Variants in CSMD1 observed in about 807,000 individuals in gnomAD.
CSMD1 encodes the protein CUB and sushi domain-containing protein 1.
In CSMD1, 213 loss-of-function variants were observed where a neutral mutation model predicts 417.5. That is an observed-to-expected ratio of 0.51 (90% CI 0.46 to 0.57). CSMD1 has a LOEUF of 0.57. CSMD1 is among the 20% of genes least tolerant of loss of function. The pLI, the probability that CSMD1 is intolerant of heterozygous loss-of-function variation, is 0.00. For missense variants in CSMD1, 6,923 were observed against 4,529.7 expected (o/e 1.53, Z -15.17); for synonymous variants, 2,862 against 1,736.8 (o/e 1.65, Z -16.11).
At chr8:3,846,202 A>C (rs1397931646) in intron 5 of CSMD1, among the ~76,000 whole-genome samples, 1 of 152,142 alleles carries the variant, frequency 6.6e-6, no homozygotes, top group African/African-American at 2.4e-5. Flanking sequence ...TATATAACAC[A>C]CTATACGTTT....
At chr8:4,909,100 C>T (rs954686528) in intron 1 of CSMD1, among the ~76,000 whole-genome samples, 35 of 152,124 alleles carry the variant, frequency 2.3e-4, no homozygotes, top group African/African-American at 7.7e-4. Context: ...ATGTTTAATG[C>T]TTGCTGTAGG....
chr8:4,870,131 A>G (rs1248880477), intron 1 of CSMD1, among the ~76,000 whole-genome samples: 1 of 152,148 alleles, frequency 6.6e-6, no homozygotes, highest in Non-Finnish European at 1.5e-5. Context: ...CAGTTAATCT[A>G]ATTACATATA....
intron 2 of CSMD1, among the ~76,000 whole-genome samples, chr8:4,443,292 T>C (rs1798588590): frequency 6.6e-6 from 1 of 152,172 alleles, no homozygotes; most frequent in South Asian, 2.1e-4. Context: ...AGTTTTGTAT[T>C]CGCTAGAAAA....
At chr8:3,875,486 G>C (rs1427083781) in intron 5 of CSMD1, among the ~76,000 whole-genome samples, 1 of 152,092 alleles carries the variant, frequency 6.6e-6, no homozygotes, top group East Asian at 1.9e-4. Flanking sequence ...GGTTCCGAGG[G>C]TCACTGGCAT....
intron 1 of CSMD1, among the ~76,000 whole-genome samples, chr8:4,981,603 G>C (rs1410024252): frequency 6.6e-6 from 1 of 152,122 alleles, no homozygotes; most frequent in Non-Finnish European, 1.5e-5. Context: ...ATACCTATTT[G>C]TACTTAATGG....
chr8:4,013,325 C>T (rs982416068), intron 4 of CSMD1, among the ~76,000 whole-genome samples: 6 of 148,246 alleles, frequency 4.0e-5, no homozygotes, highest in Non-Finnish European at 4.6e-5. Context: ...ACTCACCGTA[C>T]GCTGTTGTCT....
chr8:3,789,441 T>TG (rs1554437954), intron 5 of CSMD1, among the ~76,000 whole-genome samples: 17 of 54,702 alleles, frequency 3.1e-4, no homozygotes, highest in African/African-American at 1.2e-3. Flanking sequence ...TTTTTTTAAG[T>TG]GTTTTTTTTT....
At chr8:3,573,309 T>G (rs1800018423) in intron 10 of CSMD1, among the ~76,000 whole-genome samples, 2 of 152,198 alleles carry the variant, frequency 1.3e-5, no homozygotes, top group South Asian at 4.1e-4. Context: ...TTGCAAGTAC[T>G]GAAAAATAAT....
chr8:3,453,052 G>C (rs1180339376), intron 12 of CSMD1, among the ~76,000 whole-genome samples: 2 of 152,152 alleles, frequency 1.3e-5, no homozygotes, highest in African/African-American at 4.8e-5. Flanking sequence ...TTGGGAGAGT[G>C]TATGTGTCGA....
chr8:4,440,691 T>A (rs1343884358), intron 2 of CSMD1, among the ~76,000 whole-genome samples: 2 of 152,236 alleles, frequency 1.3e-5, no homozygotes, highest in Non-Finnish European at 2.9e-5. Context: ...ATCAATGTAT[T>A]ATTTTACAAA....
intron 3 of CSMD1, among the ~76,000 whole-genome samples, chr8:4,125,821 C>G (rs978173875): frequency 6.6e-6 from 1 of 152,154 alleles, no homozygotes; most frequent in African/African-American, 2.4e-5. Context: ...AAGAAGACCC[C>G]CATCTTACCT....
At chr8:4,222,884 CA>C (rs1393285455) in intron 3 of CSMD1, among the ~76,000 whole-genome samples, 3 of 151,762 alleles carry the variant, frequency 2.0e-5, no homozygotes, top group Admixed American at 1.3e-4. Flanking sequence ...GACATAACCA[CA>C]AAACTATGGG....
At chr8:4,281,464 C>T (rs763947928) in intron 3 of CSMD1, among the ~76,000 whole-genome samples, 56 of 152,216 alleles carry the variant, frequency 3.7e-4, no homozygotes, top group Admixed American at 2.0e-3. Flanking sequence ...TTGAGACTGG[C>T]ACACTCCAAC....
At chr8:3,986,538 G>C (rs536538723) in intron 5 of CSMD1, among the ~76,000 whole-genome samples, 62 of 152,178 alleles carry the variant, frequency 4.1e-4, no homozygotes, top group African/African-American at 1.3e-3. Context: ...CCCATGATCA[G>C]CAGACCCGTA....
At chr8:3,218,566 T>TAA (rs932288704) in intron 29 of CSMD1, among the ~76,000 whole-genome samples, 2 of 126,690 alleles carry the variant, frequency 1.6e-5, no homozygotes, top group Non-Finnish European at 1.6e-5. Context: ...ATCTCAAAAA[T>TAA]AAAAAAAAAA....
intron 26 of CSMD1, among the ~76,000 whole-genome samples, chr8:3,268,052 C>G (rs1365909508): frequency 6.6e-6 from 1 of 152,064 alleles, no homozygotes; most frequent in East Asian, 1.9e-4. Flanking sequence ...ACGGGCCAAT[C>G]TTTGCCTTCC....
chr8:3,694,559 G>A (rs780222204), intron 7 of CSMD1, among the ~76,000 whole-genome samples: 3 of 151,964 alleles, frequency 2.0e-5, no homozygotes, highest in Non-Finnish European at 2.9e-5. Flanking sequence ...CAGGTTCAGT[G>A]GAAGGCCAGG....
At chr8:4,966,364 A>T (rs1444472986) in intron 1 of CSMD1, among the ~76,000 whole-genome samples, 1 of 152,106 alleles carries the variant, frequency 6.6e-6, no homozygotes, top group Non-Finnish European at 1.5e-5. Flanking sequence ...GGGCAACAAG[A>T]GTGAAACTCC....
chr8:4,140,844 C>G (rs563833859), intron 3 of CSMD1, among the ~76,000 whole-genome samples: 3 of 151,032 alleles, frequency 2.0e-5, no homozygotes, highest in East Asian at 1.9e-4. Flanking sequence ...GGTTTCAAAT[C>G]AAATCTCTGC....
Sources: allele counts gnomAD v4.1 joint callset (sites outside exome capture counted in the v4.1 genomes callset), GRCh38; gene constraint gnomAD v4.1.1; transcripts MANE v1.5; gene names NCBI Gene and HGNC (gene_info 2026-07-23, HGNC 2026-07-21).